Variants in EML2 observed in about 807,000 individuals in gnomAD.
The protein encoded by EML2 is echinoderm microtubule-associated protein-like 2.
EML2 carries 59 observed loss-of-function variants against 84.7 expected under a neutral mutation model. The observed-to-expected ratio is 0.70, with a 90% CI of 0.56 to 0.86. The LOEUF is 0.86. EML2 is among the 40% of genes least tolerant of loss of function. EML2 has a pLI of 0.00. For synonymous variants in EML2, 352 were observed against 348.9 expected (o/e 1.01, Z -0.10); for missense variants, 818 against 855.6 (o/e 0.96, Z 0.55).
intron 8 of EML2, among the ~76,000 whole-genome samples, chr19:45,625,124 TG>T (rs1426949767): frequency 6.6e-6 from 1 of 152,142 alleles, no homozygotes; most frequent in Non-Finnish European, 1.5e-5. Flanking sequence ...CGGAGTGCAG[TG>T]GCATGTCTCG....
chr19:45,609,936 A>G, intron 18 of EML2, 148 bp from the exon 19 acceptor site: 1 of 920,164 alleles, frequency 1.1e-6, no homozygotes, highest in Non-Finnish European at 1.6e-6. Flanking sequence ...AGGTATGAGC[A>G]CAGCTTCAAT....
At chr19:45,632,097 G>A (rs926061852) in intron 6 of EML2, among the ~76,000 whole-genome samples, 2 of 151,062 alleles carry the variant, frequency 1.3e-5, no homozygotes, top group African/African-American at 4.9e-5. Context: ...GTTTCACCAT[G>A]TTGGCCAGGC....
chr19:45,634,113 C>T (rs1021489652), intron 4 of EML2, among the ~76,000 whole-genome samples: 2 of 152,144 alleles, frequency 1.3e-5, no homozygotes, highest in African/African-American at 2.4e-5. Context: ...CCAACTAAAA[C>T]ACCTGAAATA....
rs1295908485 is a variant in EML2 at position 45,621,497 on chromosome 19, G to T, written c.982C>A (p.Leu328Met). 1 of 1,611,078 alleles carries T rather than the reference G, an allele frequency of 6.2e-7. No individual in the cohort carries two copies. Among genetic ancestry groups the T allele is most frequent in the Non-Finnish European group, 8.5e-7 (1 of 1,179,652 alleles). The change falls in exon 10 of 19, where the codon CTG becomes ATG. Residue 328 changes from leucine (L) to methionine (M), a missense_variant. Transcript: ENST00000245925. ...VVLWGSDYSKLQEVEVPEDFG... is the reference protein window; with the variant it reads ...VVLWGSDYSKMQEVEVPEDFG... ...CCCCTCCTCACCTCCACTTCCTGCA[G>T]CTTGCTGTAGTCAGAACCCCAGAGG...
At chr19:45,631,786 G>A (rs8113809) in intron 6 of EML2, among the ~76,000 whole-genome samples, 12,694 of 151,498 alleles carry the variant, frequency 0.084, 1,034 homozygotes, top group African/African-American at 0.2. Context: ...GTTCACTGCA[G>A]CCTCGATCTC....
At chr19:45,644,119 C>G (rs573376662), upstream of EML2, among the ~76,000 whole-genome samples, 14 of 152,354 alleles carry the variant, frequency 9.2e-5, no homozygotes, top group African/African-American at 2.9e-4. Context: ...CCAGGCACTG[C>G]TCACGCAAAA....
intron 3 of EML2, among the ~76,000 whole-genome samples, chr19:45,637,492 T>A (rs12610695): frequency 3.5e-5 from 5 of 143,690 alleles, no homozygotes; most frequent in East Asian, 2.1e-4. Context: ...TTTTTTTTTT[T>A]TTTGAGAAAG....
intron 4 of EML2, 66 bp downstream of exon 4, chr19:45,634,256 G>A (rs1973435154): frequency 3.1e-6 from 5 of 1,602,886 alleles, no homozygotes; most frequent in South Asian, 1.1e-5. Context: ...GAGGCATAGA[G>A]GGGCAGGGGC....
chr19:45,617,683 T>A lies in EML2; in HGVS notation c.1269A>T (p.Ser423=), dbSNP rs778911696. The stretch of plus-strand genomic sequence containing the variant: ...CAGAGCCACTGGGGTGGAAGCCGGC[T>A]GAGCGGGCAGGGTCCTGAGAAGGGA... ...WSRIIEDPAR[S]AGFHPSGSVL... is the part of the protein sequence containing the mutation. The change falls in exon 13 of 19, where the codon TCA becomes TCT. Residue 423 remains serine (S), a synonymous_variant. Transcript: ENST00000245925. 11 of 1,613,760 alleles carry A rather than the reference T, an allele frequency of 6.8e-6. No individual in the cohort carries two copies. Among genetic ancestry groups the A allele is most frequent in the Admixed American group, 6.7e-5 (4 of 59,952 alleles).
chr19:45,633,505 G>T (rs924392010), intron 4 of EML2, among the ~76,000 whole-genome samples: 2 of 151,288 alleles, frequency 1.3e-5, no homozygotes, highest in African/African-American at 2.4e-5. Flanking sequence ...TTGGGAGGCC[G>T]AGGCGGGCGG....
intron 8 of EML2, among the ~76,000 whole-genome samples, chr19:45,626,203 G>C (rs1972297789): frequency 6.6e-6 from 1 of 151,272 alleles, no homozygotes; most frequent in African/African-American, 2.4e-5. Flanking sequence ...GTAGATATGA[G>C]GTCTCACCAT....
At chr19:45,620,992 C>T (rs1463553760) in intron 11 of EML2, 1 of 690,142 alleles carries the variant, frequency 1.4e-6, no homozygotes, top group African/African-American at 1.8e-5. Flanking sequence ...GGAGGCAGCA[C>T]AGTTGGAGCA....
chr19:45,638,790 C>T, intron 2 of EML2, 55 bp downstream of exon 2: 1 of 1,607,870 alleles, frequency 6.2e-7, no homozygotes, highest in Non-Finnish European at 8.5e-7. Context: ...CTGGCTCCAG[C>T]CTGTCACCCC....
chr19:45,609,772 T>C lies in EML2; in HGVS notation c.1841A>G (p.Tyr614Cys). The part of the protein sequence containing the change: ...CCQPRALSHK[Y>C]GGHSSHVTNV... ...TGTCACATGGCTGCTGTGTCCACCG[T>C]ACTTGTGGCTGAGGGCCTGTTACAA... The change falls in exon 19 of 19, where the codon TAC becomes TGC. Residue 614 changes from tyrosine (Y) to cysteine (C), a missense_variant. Tyr to Cys is a radical substitution (Grantham distance 194). Coordinates refer to ENST00000245925, the MANE Select transcript of EML2 (RefSeq NM_012155.4). 1 of 1,612,660 alleles carries C rather than the reference T, an allele frequency of 6.2e-7. No homozygotes were observed. Among genetic ancestry groups the C allele is most frequent in the Non-Finnish European group, 8.5e-7 (1 of 1,179,460 alleles).
chr19:45,614,579 G>A (rs1852794170), intron 17 of EML2, 26 bp downstream of exon 17: 6 of 1,596,900 alleles, frequency 3.8e-6, no homozygotes, highest in Non-Finnish European at 5.2e-6. Context: ...TGTCCTCAGT[G>A]AGACCTCTCT....
At chr19:45,617,205 C>T (rs1345515279) in intron 13 of EML2, among the ~76,000 whole-genome samples, 1 of 148,982 alleles carries the variant, frequency 6.7e-6, no homozygotes, top group East Asian at 2.0e-4. Context: ...GAGATCGCGC[C>T]ACCGGACTCC....
intron 11 of EML2, chr19:45,620,832 C>T (rs745489602): frequency 6.3e-5 from 23 of 365,978 alleles, no homozygotes; most frequent in Non-Finnish European, 8.0e-5. Flanking sequence ...GTTTGAGCTT[C>T]GAGAAGAAAT....
intron 5 of EML2, 28 bp downstream of exon 5, chr19:45,633,042 T>C (rs1473574073): frequency 6.3e-7 from 1 of 1,592,608 alleles, no homozygotes; most frequent in Non-Finnish European, 8.5e-7. Flanking sequence ...TCCTGCACTC[T>C]TTTCTGCTTT....
chr19:45,616,005 G>A, intron 15 of EML2, 116 bp from the exon 16 acceptor site: 1 of 760,820 alleles, frequency 1.3e-6, no homozygotes, highest in Non-Finnish European at 2.3e-6. Flanking sequence ...AGAACACAAG[G>A]GGACTAAAGG....
Sources: allele counts gnomAD v4.1 joint callset (sites outside exome capture counted in the v4.1 genomes callset), GRCh38; gene constraint gnomAD v4.1.1; transcripts MANE v1.5; gene names NCBI Gene and HGNC (gene_info 2026-07-23, HGNC 2026-07-21).